The following RRAS2 variants were observed in gnomAD, a reference collection of about 807,000 sequenced individuals.
RRAS2 encodes the protein ras-related protein R-Ras2.
RRAS2 carries 7 observed loss-of-function variants against 27.6 expected under a neutral mutation model. The ratio of observed to expected loss-of-function variants is 0.25; its 90% confidence interval spans 0.14 to 0.48. The LOEUF (loss-of-function observed/expected upper bound fraction) is 0.48, where lower values mean the gene tolerates loss of function less well. Ranked by LOEUF, RRAS2 falls within the 20% of genes least tolerant of loss-of-function variation. RRAS2 has a pLI of 0.99. For missense variants in RRAS2, 178 were observed against 256.2 expected (o/e 0.69, Z 2.08); for synonymous variants, 86 against 90.9 (o/e 0.95, Z 0.31).
intron 1 of RRAS2, among the ~76,000 whole-genome samples, chr11:14,304,620 A>G (rs1847791998): frequency 6.6e-6 from 1 of 152,264 alleles, no homozygotes; most frequent in Non-Finnish European, 1.5e-5. Flanking sequence ...GAAGCTAAGT[A>G]ATATACTTGC....
intron 1 of RRAS2, among the ~76,000 whole-genome samples, chr11:14,305,260 T>C (rs1554947946): frequency 6.6e-6 from 1 of 152,190 alleles, no homozygotes; most frequent in African/African-American, 2.4e-5. Context: ...GCTTACAAAC[T>C]GGTTCTATGA....
At chr11:14,320,833 GA>G (rs1554950181) in intron 1 of RRAS2, among the ~76,000 whole-genome samples, 1 of 152,116 alleles carries the variant, frequency 6.6e-6, no homozygotes, top group African/African-American at 2.4e-5. Flanking sequence ...TAAAATGTGG[GA>G]AAACTATAAA....
At chr11:14,283,224 T>C (rs151257805) in intron 4 of RRAS2, among the ~76,000 whole-genome samples, 13 of 152,342 alleles carry the variant, frequency 8.5e-5, no homozygotes, top group Middle Eastern at 6.8e-3. Context: ...TTATATTGAC[T>C]CACTGTCAAA....
chr11:14,358,612 C>A lies in RRAS2; in HGVS notation c.108+151G>T, dbSNP rs1849134369. Reference sequence around the variant, plus strand: ...CGACGCTGCGGCCGCAGGGCAGGAGCGTAGTCGGCCCCGCGCCCTCCCGCC... The same window carrying A: ...CGACGCTGCGGCCGCAGGGCAGGAGAGTAGTCGGCCCCGCGCCCTCCCGCC... On this transcript the variant is annotated intron_variant, in intron 1 of 5. Coordinates refer to ENST00000256196, the MANE Select transcript of RRAS2 (RefSeq NM_012250.6). This position sits in a 1 kb window ranked among gnomAD's most constrained non-coding sequence, Gnocchi z 5.1. 3 of 980,832 alleles carry A rather than the reference C, an allele frequency of 3.1e-6. No individual in the cohort carries two copies. Among genetic ancestry groups the A allele is most frequent in the Non-Finnish European group, 1.2e-6 (1 of 825,730 alleles). The allele number at this position is 980,832 out of a possible 1,614,324, so 60.8% of individuals were successfully genotyped here.
intron 4 of RRAS2, among the ~76,000 whole-genome samples, chr11:14,287,031 C>T (rs1849678133): frequency 6.6e-6 from 1 of 152,186 alleles, no homozygotes; most frequent in Admixed American, 6.5e-5. Context: ...TCTCTCTCAA[C>T]TCTACACTCT....
chr11:14,286,254 T>C (rs782189605), intron 4 of RRAS2, among the ~76,000 whole-genome samples: 1 of 152,342 alleles, frequency 6.6e-6, no homozygotes, highest in South Asian at 2.1e-4. Context: ...CTTCTTTATA[T>C]GTATGGGAAT....
At chr11:14,335,345 C>T (rs1373927502) in intron 1 of RRAS2, among the ~76,000 whole-genome samples, 8 of 152,134 alleles carry the variant, frequency 5.3e-5, no homozygotes, top group African/African-American at 1.9e-4. Flanking sequence ...AATCTCTTAC[C>T]TACACTTCTC....
In RRAS2 at chr11:14,282,890, T is replaced by C. The variant is rs377367284; in HGVS notation, c.409-1170A>G. Among the ~76,000 whole-genome samples the C allele has an allele frequency of 1.8e-4, 28 of 152,342 alleles. No homozygotes were observed. The East Asian group carries it at 3.5e-3, about 19-fold the overall frequency. ...TGCTAATAAAGACAATTTTATTTCTTGCTTTTTGATGTGGATATCTTTTAT... is the reference window on the plus strand; with the variant it reads ...TGCTAATAAAGACAATTTTATTTCTCGCTTTTTGATGTGGATATCTTTTAT... On this transcript the variant is annotated intron_variant, in intron 4 of 5. Transcript: ENST00000256196.
chr11:14,295,671 AATATTTCAAAT>A, intron 2 of RRAS2, 86 bp downstream of exon 2: 2 of 921,642 alleles, frequency 2.2e-6, no homozygotes, highest in Non-Finnish European at 3.2e-6. Flanking sequence ...CAGATCATCT[AATATTTCAAAT>A]ATATTATTTA....
intron 1 of RRAS2, among the ~76,000 whole-genome samples, chr11:14,357,786 A>T (rs1229103066): frequency 6.6e-6 from 1 of 152,220 alleles, no homozygotes; most frequent in Non-Finnish European, 1.5e-5. Context: ...CTGTTATAAC[A>T]GGGTACCTTC....
intron 1 of RRAS2, among the ~76,000 whole-genome samples, chr11:14,317,378 A>G (rs886982299): frequency 6.6e-5 from 10 of 152,146 alleles, no homozygotes; most frequent in Admixed American, 5.2e-4. Flanking sequence ...TCAGGAGTTC[A>G]AGACCAGCCT....
chr11:14,294,661 T>C, intron 3 of RRAS2, 82 bp from the exon 4 acceptor site: 1 of 1,474,526 alleles, frequency 6.8e-7, no homozygotes, highest in Non-Finnish European at 9.3e-7. Flanking sequence ...CAATTAGTAC[T>C]TTATTTTTCC....
At chr11:14,299,473 T>C (rs1160489288) in intron 1 of RRAS2, among the ~76,000 whole-genome samples, 1 of 152,234 alleles carries the variant, frequency 6.6e-6, no homozygotes, top group Non-Finnish European at 1.5e-5. Flanking sequence ...ATAAATTAAA[T>C]GGCTCCCTGC....
chr11:14,345,761 A>C (rs923318061), intron 1 of RRAS2, among the ~76,000 whole-genome samples: 2 of 152,086 alleles, frequency 1.3e-5, no homozygotes, highest in East Asian at 3.9e-4. Flanking sequence ...GGTGTAGTAA[A>C]ATTTTGTATT....
intron 1 of RRAS2, among the ~76,000 whole-genome samples, chr11:14,332,301 G>A (rs1564975515): frequency 6.6e-6 from 1 of 152,134 alleles, no homozygotes; most frequent in East Asian, 1.9e-4. Context: ...CAAGTAAATT[G>A]TGGTATATCA....
chr11:14,350,469 T>C (rs1478147896), intron 1 of RRAS2, among the ~76,000 whole-genome samples: 4 of 152,128 alleles, frequency 2.6e-5, no homozygotes, highest in African/African-American at 7.2e-5. Context: ...TCTTCTGTCA[T>C]GAATGGAAGC....
chr11:14,325,114 T>C (rs1321210915), intron 1 of RRAS2, among the ~76,000 whole-genome samples: 1 of 152,152 alleles, frequency 6.6e-6, no homozygotes, highest in Non-Finnish European at 1.5e-5. Flanking sequence ...CACAATAATA[T>C]AAACACTTAC....
chr11:14,315,734 TA>T (rs1169711077), intron 1 of RRAS2, among the ~76,000 whole-genome samples: 2 of 151,298 alleles, frequency 1.3e-5, no homozygotes, highest in Non-Finnish European at 3.0e-5. Flanking sequence ...TAAAGTCTAC[TA>T]AAAAAAAACT....
At chr11:14,292,119 C>A (rs1054316571) in intron 4 of RRAS2, among the ~76,000 whole-genome samples, 5 of 152,136 alleles carry the variant, frequency 3.3e-5, no homozygotes, top group Non-Finnish European at 7.4e-5. Flanking sequence ...GATTTTGGAG[C>A]ATTTCAGATT....
Sources: gnomAD v4.1 joint callset for allele counts (sites outside exome capture counted in the v4.1 genomes callset) on GRCh38, gnomAD v4.1.1 for gene constraint, Gnocchi (gnomAD v3.1) non-coding constraint, MANE v1.5 for transcripts, NCBI Gene and HGNC (gene_info 2026-07-23, HGNC 2026-07-21) for gene names.